Variants in PUS7L observed in about 807,000 individuals in gnomAD.
PUS7L encodes pseudouridine synthase 7 like, also known as pseudouridylate synthase PUS7L.
Under a neutral mutation model 51.1 loss-of-function variants are expected in PUS7L, and 49 were observed. That is an observed-to-expected ratio of 0.96 (90% CI 0.76 to 1.22). The LOEUF is 1.22. PUS7L is among the 50% of genes most tolerant of loss of function. The probability of loss-of-function intolerance (pLI) is 0.00; values close to 1 mark genes in which losing one functional copy is unlikely to be tolerated. For synonymous variants in PUS7L, 277 were observed against 276.2 expected, an observed-to-expected ratio of 1.00 and a Z score of -0.03; for missense variants, 828 against 820.6, an observed-to-expected ratio of 1.01 and a Z score of -0.11.
rs892659937 is a variant in PUS7L at position 43,719,105 on chromosome 12, A to T, written c.*11271T>A. ...TATTTTTAGAACATATACTCATGTA[A>T]CCAAATTCAGGCCAAAAGATAGTCT... On this transcript the variant is annotated 3_prime_UTR_variant, in exon 9 of 9. Coordinates refer to ENST00000344862, the MANE Select transcript of PUS7L (RefSeq NM_031292.5). The T allele has an allele frequency of 6.6e-6, 1 of 152,084 alleles. No individual in the cohort carries two copies. The highest frequency in any genetic ancestry group is 2.4e-5 in the African/African-American group (1 of 41,528). The allele number at this position is 152,084 out of a possible 1,614,324, so 9.4% of individuals were successfully genotyped here.
Position 43,754,731 on chromosome 12 carries a change from C to G in PUS7L, c.515G>C (p.Arg172Thr). 6.2e-7 allele frequency: 1 copy of G among 1,613,910 alleles called. No homozygotes were observed. Among genetic ancestry groups the G allele is most frequent in the Non-Finnish European group, 8.5e-7 (1 of 1,179,902 alleles). The change falls in exon 2 of 9, where the codon AGG (arginine) becomes ACG (threonine). Residue 172 changes from arginine (R) to threonine (T), a missense_variant. Physicochemically the swap from Arg to Thr is moderately conservative, Grantham distance 71. Transcript: ENST00000344862. ...SIGRILDKNQ[R>T]ASLHSAIRQK... is the part of the protein sequence containing the mutation. The stretch of plus-strand genomic sequence containing the variant: ...CCTAATGGCACTGTGTAAACTAGCC[C>G]TCTGGTTTTTGTCAAGGATTCTGCC...
At chr12:43,745,993 G>C (rs1345116773) in intron 4 of PUS7L, 53 bp downstream of exon 4, 12 of 808,440 alleles carry the variant, frequency 1.5e-5, no homozygotes, top group Middle Eastern at 2.2e-4. Flanking sequence ...TCAGTGTAGA[G>C]AAAGAGACAA....
chr12:43,733,041 T>C (rs558489184), intron 7 of PUS7L, among the ~76,000 whole-genome samples: 1 of 152,340 alleles, frequency 6.6e-6, no homozygotes, highest in South Asian at 2.1e-4. Context: ...CCATGCTTTG[T>C]CTTTAAAGAA....
chr12:43,744,505 T>C (rs988417929), intron 4 of PUS7L, among the ~76,000 whole-genome samples: 1 of 152,180 alleles, frequency 6.6e-6, no homozygotes, highest in African/African-American at 2.4e-5. Flanking sequence ...TCCTGAGGCC[T>C]CCCCACCTAT....
Position 43,755,223 on chromosome 12 carries a change from C to A in PUS7L, c.23G>T (p.Arg8Ile). ...GAAACACAAAGAACTAAACCTGATT[C>A]TATAATCTGTATCTTCTTCCATTCT... MEEDTDY[R>I]IRFSSLCFFN... The change falls in exon 2 of 9, where the codon AGA becomes ATA. Residue 8 changes from arginine to isoleucine, a missense_variant. Physicochemically the swap from Arg to Ile is moderately conservative, Grantham distance 97. Transcript: ENST00000344862. The A allele has an allele frequency of 6.2e-7, 1 of 1,600,172 alleles. No homozygotes were observed. Among genetic ancestry groups the A allele is most frequent in the Non-Finnish European group, 8.5e-7 (1 of 1,173,588 alleles).
At chr12:43,750,196 T>TC (rs1274809006) in intron 2 of PUS7L, among the ~76,000 whole-genome samples, 5 of 86,824 alleles carry the variant, frequency 5.8e-5, no homozygotes, top group African/African-American at 4.1e-4. Context: ...CCCCAGCTTG[T>TC]TTATCAGTTT....
At chr12:43,731,636 A>G in intron 8 of PUS7L, 69 bp downstream of exon 8, 1 of 774,746 alleles carries the variant, frequency 1.3e-6, no homozygotes, top group Non-Finnish European at 2.2e-6. Context: ...GGAACTAGTT[A>G]ACATTTTGCT....
rs1414653377 is a variant in PUS7L at position 43,725,726 on chromosome 12, G to T, written c.*4650C>A. On this transcript the variant is annotated 3_prime_UTR_variant, in exon 9 of 9. Transcript: ENST00000344862. ...ATATCCAAAAACTTGTTCTCAGAAGGCAAATGTTAGGTAGATGAAAACAGT... is the reference window on the plus strand; with the variant it reads ...ATATCCAAAAACTTGTTCTCAGAAGTCAAATGTTAGGTAGATGAAAACAGT... 1 of 152,028 alleles carries T rather than the reference G, an allele frequency of 6.6e-6. No homozygotes were observed. The highest frequency in any genetic ancestry group is 1.5e-5 in the Non-Finnish European group (1 of 68,010). 9.4% of individuals were successfully genotyped at this position (152,028 alleles called of 1,614,324 possible).
intron 5 of PUS7L, chr12:43,739,071 G>A (rs1937754853): frequency 6.5e-6 from 1 of 154,330 alleles, no homozygotes; most frequent in Admixed American, 6.5e-5. Context: ...ACAATGTCCA[G>A]ATCAAAGAGT....
rs1382446882 is a variant in PUS7L at position 43,746,256 on chromosome 12, T to C, written c.1071-18A>G. 1.9e-6 allele frequency: 2 copies of C among 1,073,552 alleles called. No homozygotes were observed. The highest frequency in any genetic ancestry group is 1.3e-6 in the Non-Finnish European group (1 of 748,606). The allele number at this position is 1,073,552 out of a possible 1,614,324, so 66.5% of individuals were successfully genotyped here. ...TTTTCAACCTGTAAGTAATAAATCA[T>C]ATAAACTCAGTTAAATTTTACATTT... On this transcript the variant is annotated intron_variant, in intron 3 of 8. Coordinates refer to ENST00000344862, the MANE Select transcript of PUS7L (RefSeq NM_031292.5).
rs561561609 is a variant in PUS7L, at chr12:43,747,900, G to A, written c.1070+550C>T. On this transcript the variant is annotated intron_variant, in intron 3 of 8. Coordinates refer to ENST00000344862, the MANE Select transcript of PUS7L (RefSeq NM_031292.5). ...ACCTCCCTATTCAAGCAATTCTCCTGCCTCAGCCTCCCAAGTAGCTGGGAT... is the reference window on the plus strand; with the variant it reads ...ACCTCCCTATTCAAGCAATTCTCCTACCTCAGCCTCCCAAGTAGCTGGGAT... Among the ~76,000 whole-genome samples the A allele has an allele frequency of 1.2e-3, 190 of 152,080 alleles. 2 individuals are homozygous for A. The highest frequency in any genetic ancestry group is 4.0e-3 in the African/African-American group (168 of 41,546).
rs1944416670 is a variant in PUS7L, at chr12:43,723,148, A to G, written c.*7228T>C. 1 of 152,124 alleles carries G rather than the reference A, an allele frequency of 6.6e-6. No homozygotes were observed. Among genetic ancestry groups the G allele is most frequent in the Admixed American group, 6.6e-5 (1 of 15,262 alleles). The allele number at this position is 152,124 out of a possible 1,614,324, so 9.4% of individuals were successfully genotyped here. A position where few individuals can be genotyped will look rare whatever the true frequency, so the allele number is the denominator to read the frequency against. On this transcript the variant is annotated 3_prime_UTR_variant, in exon 9 of 9. Coordinates refer to ENST00000344862, the MANE Select transcript of PUS7L (RefSeq NM_031292.5). ...CATGGCTATTCTGACTTCTTTCCAT[A>G]GTAAAATTTTTCTTTTGTAAGAGAT...
At chr12:43,758,371 G>T (rs1938956714) in intron 1 of PUS7L, 12 of 985,568 alleles carry the variant, frequency 1.2e-5, no homozygotes, top group Non-Finnish European at 1.4e-5. Flanking sequence ...GACAGTGGGC[G>T]GGGGAGTAGT....
At position 43,719,326 on chromosome 12, in the gene PUS7L, C is replaced by T. The variant is rs533214313; in HGVS notation, c.*11050G>A. The T allele has an allele frequency of 1.1e-4, 16 of 152,112 alleles. No individual in the cohort carries two copies. The South Asian group carries it at 3.3e-3, about 32-fold the overall frequency. The allele number at this position is 152,112 out of a possible 1,614,324, so 9.4% of individuals were successfully genotyped here. ...ACTGTGTATTTTTTAGGAATGAATA[C>T]ATGGGTGGTAAAGCTATCAAGAAAA... On this transcript the variant is annotated 3_prime_UTR_variant, in exon 9 of 9. Transcript: ENST00000344862.
Position 43,719,057 on chromosome 12 carries a change from A to C in PUS7L, c.*11319T>G, listed in dbSNP as rs1255542164. 2.6e-5 allele frequency: 4 copies of C among 151,746 alleles called. No homozygotes were observed. The highest frequency in any genetic ancestry group is 4.4e-5 in the Non-Finnish European group (3 of 67,948). 9.4% of individuals were successfully genotyped at this position (151,746 alleles called of 1,614,324 possible). On this transcript the variant is annotated 3_prime_UTR_variant, in exon 9 of 9. Transcript: ENST00000344862. ...ATACATAACAATATAAAAGTCCTTA[A>C]AATTTATTGAAAGTGTAAGTAATAT...
intron 2 of PUS7L, among the ~76,000 whole-genome samples, chr12:43,751,261 A>G (rs948786304): frequency 2.0e-5 from 3 of 151,746 alleles, no homozygotes; most frequent in African/African-American, 7.3e-5. Flanking sequence ...GGTTTGTTAC[A>G]TATGTATACA....
intron 3 of PUS7L, among the ~76,000 whole-genome samples, chr12:43,746,796 T>C (rs1371738522): frequency 1.3e-5 from 2 of 152,126 alleles, no homozygotes; most frequent in Non-Finnish European, 2.9e-5. Flanking sequence ...ATTATATACG[T>C]GACAGACTAT....
At chr12:43,740,700 A>G (rs767668092) in intron 5 of PUS7L, 1 of 151,934 alleles carries the variant, frequency 6.6e-6, no homozygotes, top group African/African-American at 2.4e-5. Context: ...CCTCTCCCAC[A>G]CTTATCAGGG....
chr12:43,743,623 C>A (rs10880561), intron 4 of PUS7L, among the ~76,000 whole-genome samples: 2 of 151,834 alleles, frequency 1.3e-5, no homozygotes, highest in Non-Finnish European at 2.9e-5. Flanking sequence ...ATTAGCTGGG[C>A]GTGGTGGCGG....
Sources: allele counts gnomAD v4.1 joint callset (sites outside exome capture counted in the v4.1 genomes callset), GRCh38; gene constraint gnomAD v4.1.1; transcripts MANE v1.5; gene names NCBI Gene and HGNC (gene_info 2026-07-23, HGNC 2026-07-21).